ESR2: variants seen among roughly 807,000 people sequenced by gnomAD.
ESR2 encodes estrogen receptor 2.
In ESR2, 36 loss-of-function variants were observed where a neutral mutation model predicts 49.6. The observed-to-expected ratio is 0.73, with a 90% CI of 0.56 to 0.96. ESR2 has a LOEUF of 0.96. Ranked by LOEUF, ESR2 falls within the 40% of genes least tolerant of loss-of-function variation. ESR2 has a pLI of 0.00. For missense variants in ESR2, 714 were observed against 693.0 expected (o/e 1.03, Z -0.34); for synonymous variants, 320 against 266.1 (o/e 1.20, Z -1.97).
intron 1 of ESR2, among the ~76,000 whole-genome samples, chr14:64,318,915 C>A (rs887535778): frequency 7.2e-5 from 11 of 151,982 alleles, no homozygotes; most frequent in African/African-American, 2.7e-4. Flanking sequence ...TTGGCATGTG[C>A]CTGTAATCCC....
At chr14:64,311,387 C>T (rs2077186288) in intron 1 of ESR2, among the ~76,000 whole-genome samples, 1 of 152,044 alleles carries the variant, frequency 6.6e-6, no homozygotes, top group South Asian at 2.1e-4. Flanking sequence ...CGCCTGTAAT[C>T]CCAGCACTTT....
intron 3 of ESR2, among the ~76,000 whole-genome samples, chr14:64,269,876 C>T (rs1424944435): frequency 2.0e-5 from 3 of 151,988 alleles, no homozygotes; most frequent in Non-Finnish European, 4.4e-5. Flanking sequence ...AGATGCAGTA[C>T]GAAGAACCAA....
In ESR2 at chr14:64,235,032, G is replaced by A; in HGVS notation, c.1344C>T (p.Ser448=). ...TAGCCAGGCGCATGGATTGCTGCTG[G>A]GAGGAGATGCCGCTCTTGGCAATCA... The part of the protein sequence containing the change: ...VWVIAKSGIS[S]QQQSMRLANL... The change falls in exon 8 of 9, where the codon TCC becomes TCT. Residue 448 remains serine, a synonymous_variant. Transcript: ENST00000341099. The A allele has an allele frequency of 6.2e-7, 1 of 1,614,234 alleles. No individual in the cohort carries two copies. Among genetic ancestry groups the A allele is most frequent in the Non-Finnish European group, 8.5e-7 (1 of 1,180,048 alleles).
intron 4 of ESR2, among the ~76,000 whole-genome samples, chr14:64,266,359 T>C (rs1327587475): frequency 6.6e-6 from 1 of 152,120 alleles, no homozygotes; most frequent in Non-Finnish European, 1.5e-5. Context: ...GCCAAAGAGG[T>C]GATTCAGTAG....
chr14:64,282,673 T>C lies in ESR2; in HGVS notation c.313A>G (p.Ser105Gly). The C allele has an allele frequency of 6.2e-7, 1 of 1,612,120 alleles. No homozygotes were observed. The highest frequency in any genetic ancestry group is 8.5e-7 in the Non-Finnish European group (1 of 1,178,216). Residue 105 changes from serine to glycine, a missense_variant, in exon 2 of 9, where the codon AGT becomes GGT. Physicochemically the swap from Ser to Gly is moderately conservative, Grantham distance 56 (BLOSUM62 0). Coordinates refer to ENST00000341099, the MANE Select transcript of ESR2 (RefSeq NM_001437.3). ...LSHLYAEPQK[S>G]PWCEARSLEH... ...AGCGATCTTGCTTCACACCAGGGAC[T>C]CTTTTGAGGTTCCGCATACAGATGT...
At chr14:64,334,458 A>G (rs895189519) in intron 1 of ESR2, among the ~76,000 whole-genome samples, 2 of 152,208 alleles carry the variant, frequency 1.3e-5, no homozygotes, top group Non-Finnish European at 2.9e-5. Flanking sequence ...ATATGTTCTC[A>G]TGACAAGGCA....
chr14:64,285,948 AG>A (rs745427168), intron 1 of ESR2, among the ~76,000 whole-genome samples: 3 of 152,188 alleles, frequency 2.0e-5, no homozygotes, highest in Non-Finnish European at 4.4e-5. Context: ...ATTTGTCATA[AG>A]GAAGTGAGGA....
chr14:64,278,073 C>T (rs1050200859), intron 3 of ESR2, among the ~76,000 whole-genome samples: 4 of 152,008 alleles, frequency 2.6e-5, no homozygotes, highest in East Asian at 1.9e-4. Flanking sequence ...CAGCAAGATA[C>T]AAAATAGTCA....
At chr14:64,337,483 A>T (rs1386639478) in intron 1 of ESR2, 3 of 152,202 alleles carry the variant, frequency 2.0e-5, no homozygotes, top group African/African-American at 7.2e-5. Flanking sequence ...AGAAGCTCTT[A>T]TATTACACTG....
intron 1 of ESR2, among the ~76,000 whole-genome samples, chr14:64,312,744 TA>T (rs2077200379): frequency 6.6e-6 from 1 of 151,874 alleles, no homozygotes; most frequent in Admixed American, 6.6e-5. Context: ...CAGTCTCTAC[TA>T]AAAATACAAA....
intron 7 of ESR2, among the ~76,000 whole-genome samples, chr14:64,235,496 G>A (rs2075577392): frequency 1.3e-5 from 2 of 152,232 alleles, no homozygotes; most frequent in African/African-American, 4.8e-5. Flanking sequence ...GAGATGGTCA[G>A]AAAGTGAGAT....
chr14:64,251,741 A>C (rs1341492425), intron 6 of ESR2, among the ~76,000 whole-genome samples: 3 of 152,204 alleles, frequency 2.0e-5, no homozygotes, highest in Non-Finnish European at 2.9e-5. Flanking sequence ...CAGGTGTGAC[A>C]GTCAACCATT....
chr14:64,261,419 ATTAT>A (rs144492271), intron 4 of ESR2, among the ~76,000 whole-genome samples: 16,379 of 150,606 alleles, frequency 0.11, 1,186 homozygotes, highest in African/African-American at 0.21. Flanking sequence ...TATACACAAA[ATTAT>A]TTATTTATTT....
At chr14:64,317,592 CCT>C (rs940397036) in intron 1 of ESR2, among the ~76,000 whole-genome samples, 4 of 152,182 alleles carry the variant, frequency 2.6e-5, no homozygotes, top group African/African-American at 9.7e-5. Flanking sequence ...AACCCAAACA[CCT>C]CTCACCAGGC....
Position 64,257,204 on chromosome 14 carries a change from AAC to A in ESR2, c.1091+20_1091+21del, listed in dbSNP as rs1405363613. 1.2e-6 allele frequency: 2 copies of A among 1,613,022 alleles called. No homozygotes were observed. The highest frequency in any genetic ancestry group is 1.7e-6 in the Non-Finnish European group (2 of 1,179,040). On this transcript the variant is annotated intron_variant, in intron 6 of 8. Coordinates refer to ENST00000341099, the MANE Select transcript of ESR2 (RefSeq NM_001437.3). ...CCTTACTCAAACAAGTCAGAGAAGA[AAC>A]ACAATGTATTTTTTCTCACCTGTCC...
rs978274531 is a variant in ESR2 at position 64,254,273 on chromosome 14, C to G, written c.1091+2953G>C. Among the ~76,000 whole-genome samples the G allele has an allele frequency of 3.1e-4, 47 of 151,768 alleles. 1 individual carries two copies. The highest frequency in any genetic ancestry group is 3.2e-3 in the Middle Eastern group (1 of 316). ...TGGTGTGAAGATTCCCTTCACTTTG[C>G]AAAAAAGAGTCGTAATAGAAGTCTT... On this transcript the variant is annotated intron_variant, in intron 6 of 8. Coordinates refer to ENST00000341099, the MANE Select transcript of ESR2 (RefSeq NM_001437.3).
intron 1 of ESR2, among the ~76,000 whole-genome samples, chr14:64,331,760 G>A (rs112961916): frequency 3.4e-5 from 5 of 148,008 alleles, no homozygotes; most frequent in African/African-American, 1.3e-4. Context: ...GGAGGTGGAG[G>A]TTGCATGAGC....
Position 64,282,868 on chromosome 14 carries a change from G to A in ESR2, c.118C>T (p.His40Tyr), listed in dbSNP as rs577163101. 5.6e-6 allele frequency: 9 copies of A among 1,614,214 alleles called. No homozygotes were observed. Among genetic ancestry groups the A allele is most frequent in the Middle Eastern group, 3.3e-4 (2 of 6,062 alleles). The change falls in exon 2 of 9, where the codon CAC becomes TAC. Residue 40 changes from histidine (H) to tyrosine (Y), a missense_variant. By Grantham distance (83) the His-to-Tyr change is moderately conservative (BLOSUM62 2). Transcript: ENST00000341099. ...IYIPSSYVDSHHEYPAMTFYS... is the reference protein window; with the variant it reads ...IYIPSSYVDSYHEYPAMTFYS... Reference sequence around the variant, plus strand: ...AATGTCATGGCTGGATATTCATGGTGGCTGTCTACATAGGAGGAAGGTATG... The same window carrying A: ...AATGTCATGGCTGGATATTCATGGTAGCTGTCTACATAGGAGGAAGGTATG...
rs544504531 is a variant in ESR2, at chr14:64,312,330, G to A, written c.-91+25568C>T. 2.0e-5 allele frequency among the ~76,000 whole-genome samples: 3 copies of A among 152,216 alleles called. No homozygotes were observed. In the South Asian group the frequency reaches 6.2e-4, roughly 32 times the overall value. On this transcript the variant is annotated intron_variant, in intron 1 of 8. Transcript: ENST00000358599. ...ATTTAAAAAACAGAGAAAACAAAAT[G>A]AAAAGGAAGACTTAAGCCCTAATAT...
Sources: gnomAD v4.1 joint callset for allele counts (sites outside exome capture counted in the v4.1 genomes callset) on GRCh38, gnomAD v4.1.1 for gene constraint, MANE v1.5 for transcripts, NCBI Gene and HGNC (gene_info 2026-07-23, HGNC 2026-07-21) for gene names.